The following NKAIN3 variants were observed in gnomAD, a reference collection of about 807,000 sequenced individuals.
NKAIN3 encodes sodium/potassium-transporting ATPase subunit beta-1-interacting protein 3.
Under a neutral mutation model 30.2 loss-of-function variants are expected in NKAIN3, and 25 were observed. That is an observed-to-expected ratio of 0.83 (90% confidence interval 0.60 to 1.16). The LOEUF (loss-of-function observed/expected upper bound fraction) is 1.16. Among genes scored for constraint, NKAIN3 ranks in the 50% most tolerant of loss-of-function variants. The pLI is 0.00. For synonymous variants in NKAIN3, 91 were observed against 89.6 expected (o/e 1.02, Z -0.09); for missense variants, 225 against 254.1 (o/e 0.89, Z 0.78).
chr8:62,385,231 G>A (rs1447194649), intron 1 of NKAIN3, among the ~76,000 whole-genome samples: 1 of 152,008 alleles, frequency 6.6e-6, no homozygotes, highest in African/African-American at 2.4e-5. Context: ...TCCCTTTATT[G>A]AGTACTTACT....
chr8:62,386,914 TGAGAGAGAGA>T (rs141443243), intron 1 of NKAIN3, among the ~76,000 whole-genome samples: 4 of 147,870 alleles, frequency 2.7e-5, no homozygotes, highest in South Asian at 2.2e-4. Context: ...AATTGATATA[TGAGAGAGAGA>T]GAGAGAGAGA....
At chr8:62,531,254 G>T (rs977931702) in intron 1 of NKAIN3, among the ~76,000 whole-genome samples, 1 of 152,138 alleles carries the variant, frequency 6.6e-6, no homozygotes, top group African/African-American at 2.4e-5. Flanking sequence ...GTACATCATG[G>T]ATATTTGGTG....
At chr8:62,693,542 G>T (rs981635643) in intron 3 of NKAIN3, among the ~76,000 whole-genome samples, 1 of 152,312 alleles carries the variant, frequency 6.6e-6, no homozygotes, top group South Asian at 2.1e-4. Context: ...TCTGACAACA[G>T]TACACACAAT....
intron 3 of NKAIN3, among the ~76,000 whole-genome samples, chr8:62,649,935 AT>A (rs1416564917): frequency 2.0e-5 from 3 of 151,980 alleles, no homozygotes; most frequent in African/African-American, 7.2e-5. Context: ...TTAATTTTCT[AT>A]TTTTCCCAAG....
intron 5 of NKAIN3, among the ~76,000 whole-genome samples, chr8:62,933,685 G>A (rs1172631358): frequency 6.6e-6 from 1 of 152,148 alleles, no homozygotes; most frequent in African/African-American, 2.4e-5. Context: ...CACTGAGTAT[G>A]AGAAACATCT....
In NKAIN3 at chr8:62,977,681, G is replaced by A. The variant is rs1054895804; in HGVS notation, c.*12274G>A. 3.3e-5 allele frequency among the ~76,000 whole-genome samples: 5 copies of A among 151,986 alleles called. No homozygotes were observed. The highest frequency in any genetic ancestry group is 2.1e-4 in the South Asian group (1 of 4,814). On this transcript the variant is annotated 3_prime_UTR_variant, in exon 7 of 7. Transcript: ENST00000623646. ...ATGTTCCATTCGCTCTGAGGAGTTCGTTATTACCCATCTTCTGAAGCTTAC... is the reference window on the plus strand; with the variant it reads ...ATGTTCCATTCGCTCTGAGGAGTTCATTATTACCCATCTTCTGAAGCTTAC...
chr8:62,521,913 C>A (rs115609152), intron 1 of NKAIN3, among the ~76,000 whole-genome samples: 2,064 of 152,118 alleles, frequency 0.014, 31 homozygotes, highest in African/African-American at 0.044. Context: ...GCTATAATTG[C>A]TTTTAAAACG....
At chr8:62,881,169 C>A (rs1820968157) in intron 4 of NKAIN3, among the ~76,000 whole-genome samples, 1 of 152,162 alleles carries the variant, frequency 6.6e-6, no homozygotes, top group Admixed American at 6.5e-5. Context: ...CATTAGGGTT[C>A]ACTCTTGACA....
chr8:62,383,388 A>C, intron 1 of NKAIN3: 1 of 391,868 alleles, frequency 2.6e-6, no homozygotes, highest in South Asian at 1.9e-5. Flanking sequence ...AAACAAGTGG[A>C]GTAGCCTTTT....
chr8:62,971,619 C>A lies in NKAIN3; in HGVS notation c.*6212C>A, dbSNP rs925979232. On this transcript the variant is annotated 3_prime_UTR_variant, in exon 7 of 7. Transcript: ENST00000623646. Reference sequence around the variant, plus strand: ...CTGCACTCCAACCTGGGAGATGGAGCCAAACCTTGTCTCAAAAAAAAAGCG... The same window carrying A: ...CTGCACTCCAACCTGGGAGATGGAGACAAACCTTGTCTCAAAAAAAAAGCG... Among the ~76,000 whole-genome samples, 1 of 149,216 alleles carries A rather than the reference C, an allele frequency of 6.7e-6. No homozygotes were observed. The highest frequency in any genetic ancestry group is 1.5e-5 in the Non-Finnish European group (1 of 67,336).
intron 1 of NKAIN3, among the ~76,000 whole-genome samples, chr8:62,314,538 CCTTGTGAAAAGGACTCTG>C (rs1814549984): frequency 6.6e-6 from 1 of 152,184 alleles, no homozygotes; most frequent in Non-Finnish European, 1.5e-5. Flanking sequence ...GCTGATCTTT[CCTTGTGAAAAGGACTCTG>C]CTTTCAAATA....
At chr8:62,719,888 CT>C (rs1815034114) in intron 3 of NKAIN3, among the ~76,000 whole-genome samples, 1 of 151,284 alleles carries the variant, frequency 6.6e-6, no homozygotes, top group Admixed American at 6.6e-5. Context: ...TCCCGAGTAG[CT>C]GGGACTACAG....
intron 4 of NKAIN3, among the ~76,000 whole-genome samples, chr8:62,902,705 G>C (rs937819665): frequency 1.3e-5 from 2 of 152,120 alleles, no homozygotes; most frequent in South Asian, 2.1e-4. Context: ...ACTTTTCCTT[G>C]ATAGAAGTAT....
At chr8:62,249,156 G>T in intron 1 of NKAIN3, 29 bp downstream of exon 1, 1 of 1,516,602 alleles carries the variant, frequency 6.6e-7, no homozygotes, top group Non-Finnish European at 8.8e-7. Context: ...CCTGCCCCAG[G>T]ACAGGTCCCT....
chr8:62,880,441 C>T (rs1820939679), intron 4 of NKAIN3, among the ~76,000 whole-genome samples: 1 of 152,132 alleles, frequency 6.6e-6, no homozygotes, highest in South Asian at 2.1e-4. Flanking sequence ...ACCTAGCATC[C>T]CATCCTCCTG....
At chr8:62,729,040 C>CAAAA (rs1317282077) in intron 3 of NKAIN3, among the ~76,000 whole-genome samples, 2 of 61,206 alleles carry the variant, frequency 3.3e-5, no homozygotes, top group African/African-American at 7.1e-5. Context: ...AAAAAAAAAA[C>CAAAA]AAAAAAAAAA....
At chr8:62,553,344 G>A (rs939034182) in intron 1 of NKAIN3, among the ~76,000 whole-genome samples, 3 of 152,078 alleles carry the variant, frequency 2.0e-5, no homozygotes, top group African/African-American at 7.2e-5. Context: ...AAAAATGAAT[G>A]TCATTTAATA....
chr8:62,296,994 G>A (rs1426783146), intron 1 of NKAIN3, among the ~76,000 whole-genome samples: 1 of 152,154 alleles, frequency 6.6e-6, no homozygotes, highest in Admixed American at 6.6e-5. Flanking sequence ...TGACCAAGTC[G>A]TTCAGGTTCT....
chr8:62,259,605 G>A (rs989003617), intron 1 of NKAIN3, among the ~76,000 whole-genome samples: 2 of 152,144 alleles, frequency 1.3e-5, no homozygotes, highest in Non-Finnish European at 1.5e-5. Context: ...AATGTGATAT[G>A]TTTTGCAAAG....
Sources: gnomAD v4.1 joint callset for allele counts (sites outside exome capture counted in the v4.1 genomes callset) on GRCh38, gnomAD v4.1.1 for gene constraint, MANE v1.5 for transcripts, NCBI Gene and HGNC (gene_info 2026-07-23, HGNC 2026-07-21) for gene names.